HERC4: variants seen among roughly 807,000 people sequenced by gnomAD.
The protein encoded by HERC4 is probable E3 ubiquitin-protein ligase HERC4.
A neutral mutation model predicts 124.3 loss-of-function variants in HERC4; 28 were observed. The ratio of observed to expected loss-of-function variants is 0.23; its 90% CI spans 0.17 to 0.31. The LOEUF (loss-of-function observed/expected upper bound fraction) is 0.31. Ranked by LOEUF, HERC4 falls within the 10% of genes least tolerant of loss-of-function variation. The pLI is 1.00. For missense variants in HERC4, 713 were observed against 1,229.3 expected, an observed-to-expected ratio of 0.58 and a Z score of 6.28; for synonymous variants, 407 against 421.5, an observed-to-expected ratio of 0.97 and a Z score of 0.42.
chr10:67,988,331 C>T (rs1330377717), intron 15 of HERC4, among the ~76,000 whole-genome samples: 2 of 152,074 alleles, frequency 1.3e-5, no homozygotes, highest in Admixed American at 1.3e-4. Context: ...AAGATAACCA[C>T]TTACAGCTAA....
chr10:68,057,538 C>T (rs1441049990), intron 3 of HERC4, among the ~76,000 whole-genome samples: 2 of 150,976 alleles, frequency 1.3e-5, no homozygotes, highest in East Asian at 4.0e-4. Context: ...GCAGGAGAAT[C>T]GCTTGAACCC....
At chr10:67,963,740 T>C (rs1327285912) in intron 16 of HERC4, among the ~76,000 whole-genome samples, 1 of 152,218 alleles carries the variant, frequency 6.6e-6, no homozygotes, top group Non-Finnish European at 1.5e-5. Context: ...GGTTGGTGTG[T>C]GAGGGTTTAT....
At chr10:68,038,714 C>A (rs1423984897) in intron 4 of HERC4, among the ~76,000 whole-genome samples, 1 of 152,114 alleles carries the variant, frequency 6.6e-6, no homozygotes, top group Non-Finnish European at 1.5e-5. Context: ...AAATCAGGGA[C>A]ATTCAATTTT....
rs201746928 is a variant in HERC4, at chr10:67,975,352, GT to G, written c.1807-8551del. 8.5e-3 allele frequency among the ~76,000 whole-genome samples: 1,299 copies of G among 152,184 alleles called. 9 individuals carry two copies. Among genetic ancestry groups the G allele is most frequent in the Non-Finnish European group, 0.014 (923 of 67,996 alleles). On this transcript the variant is annotated intron_variant, in intron 15 of 24. Transcript: ENST00000373700. Reference sequence around the variant, plus strand: ...ATACTAAGGCTTAGCATTTAAGAAAGTAACCAAGGTCACGTAAGTAACAGAG... The same window carrying G: ...ATACTAAGGCTTAGCATTTAAGAAAGAACCAAGGTCACGTAAGTAACAGAG...
rs1423618184 is a variant in HERC4 at position 68,075,267 on chromosome 10, G to C, written c.-232C>G. On this transcript the variant is annotated 5_prime_UTR_variant, in exon 1 of 25. Coordinates refer to ENST00000373700, the MANE Select transcript of HERC4 (RefSeq NM_015601.4). ...GGGCGGAGAGCACCAGGGGTGGGGA[G>C]AGTTGGGGAAGAGACTGGGTAGGAG... 6.5e-6 allele frequency: 1 copy of C among 152,908 alleles called. No homozygotes were observed. Among genetic ancestry groups the C allele is most frequent in the East Asian group, 1.9e-4 (1 of 5,188 alleles). The allele number at this position is 152,908 out of a possible 1,614,324, so 9.5% of individuals were successfully genotyped here.
intron 15 of HERC4, among the ~76,000 whole-genome samples, chr10:67,981,600 C>T (rs1379137536): frequency 6.6e-6 from 1 of 152,230 alleles, no homozygotes; most frequent in Admixed American, 6.5e-5. Context: ...CTCCTTAGCA[C>T]ATGGATCACT....
chr10:68,010,116 A>C, intron 9 of HERC4: 1 of 771,930 alleles, frequency 1.3e-6, no homozygotes, highest in East Asian at 3.6e-5. Flanking sequence ...TGAAGAACTT[A>C]ATCCCAAAAG....
chr10:68,019,722 C>G (rs573937224), intron 8 of HERC4, among the ~76,000 whole-genome samples: 5 of 152,182 alleles, frequency 3.3e-5, no homozygotes, highest in Admixed American at 6.5e-5. Flanking sequence ...CAGTTACCCA[C>G]TCCTTACTCC....
At chr10:68,001,263 T>C (rs1389949750) in intron 9 of HERC4, among the ~76,000 whole-genome samples, 3 of 151,842 alleles carry the variant, frequency 2.0e-5, no homozygotes, top group Non-Finnish European at 4.4e-5. Context: ...TTCCAGCTAC[T>C]TAGGAGGCTG....
In HERC4 at chr10:67,990,477, C is replaced by T. The variant is rs1589260795; in HGVS notation, c.1444-77G>A. 26 of 818,900 alleles carry T rather than the reference C, an allele frequency of 3.2e-5. No homozygotes were observed. In the East Asian group the frequency reaches 8.4e-4, roughly 26 times the overall value. The allele number at this position is 818,900 out of a possible 1,614,324, so 50.7% of individuals were successfully genotyped here. A position where few individuals can be genotyped will look rare whatever the true frequency, so the allele number is the denominator to read the frequency against. The stretch of plus-strand genomic sequence containing the variant: ...CAAAGAAAAAAAAAAAAAAGGAAGG[C>T]AGGAAGAAAAGAAAGAAAAGGAAAA... On this transcript the variant is annotated intron_variant, in intron 13 of 24. Transcript: ENST00000373700.
rs529183059 is a variant in HERC4, at chr10:67,982,636, T to A, written c.1806+6027A>T. Among the ~76,000 whole-genome samples, 11 of 152,128 alleles carry A rather than the reference T, an allele frequency of 7.2e-5. No individual in the cohort carries two copies. In the South Asian group the frequency reaches 1.9e-3, roughly 26 times the overall value. ...GTGGACAAACGGGATTACATTAAAT[T>A]AAAAAACTTCTACACAGCAAAGGAA... On this transcript the variant is annotated intron_variant, in intron 15 of 24. Coordinates refer to ENST00000373700, the MANE Select transcript of HERC4 (RefSeq NM_015601.4).
At chr10:68,039,432 G>C (rs1376195462) in intron 4 of HERC4, 1 of 1,550,514 alleles carries the variant, frequency 6.4e-7, no homozygotes, top group Non-Finnish European at 8.7e-7. Flanking sequence ...TCTGCCATAA[G>C]AGAGTCCGGA....
chr10:67,989,662 T>G (rs1414542349), intron 14 of HERC4, among the ~76,000 whole-genome samples: 3 of 152,088 alleles, frequency 2.0e-5, no homozygotes, highest in East Asian at 3.9e-4. Flanking sequence ...GAAATAGAGA[T>G]AAAATCTAGA....
chr10:68,074,971 C>T (rs1385938515), intron 1 of HERC4, 173 bp downstream of exon 1: 2 of 152,472 alleles, frequency 1.3e-5, no homozygotes, highest in Non-Finnish European at 2.9e-5. Flanking sequence ...TAGGGGAAGC[C>T]CAAGGTGACG....
chr10:67,956,006 A>C (rs1174791187), intron 17 of HERC4: 1 of 152,200 alleles, frequency 6.6e-6, no homozygotes. Flanking sequence ...ACCTCCAAAA[A>C]ATTGGCTTAC....
chr10:67,965,747 GAA>G (rs2034824591), intron 16 of HERC4: 1 of 152,218 alleles, frequency 6.6e-6, no homozygotes, highest in Non-Finnish European at 1.5e-5. Flanking sequence ...AGCAAGCAAT[GAA>G]AAGTTACTCA....
chr10:67,936,410 G>C (rs1564925491), intron 21 of HERC4, among the ~76,000 whole-genome samples, 175 bp from the exon 22 acceptor site: 2 of 152,012 alleles, frequency 1.3e-5, no homozygotes, highest in Admixed American at 6.6e-5. Flanking sequence ...TAGAAATTTG[G>C]TACTCTCTAG....
chr10:67,928,832 A>T (rs1244885078), intron 23 of HERC4, among the ~76,000 whole-genome samples: 4 of 152,088 alleles, frequency 2.6e-5, no homozygotes, highest in Admixed American at 6.6e-5. Context: ...GAGGCAGAAG[A>T]ATCGCTTGAA....
chr10:68,032,577 T>A (rs1003794471), intron 7 of HERC4, among the ~76,000 whole-genome samples: 1 of 152,142 alleles, frequency 6.6e-6, no homozygotes, highest in African/African-American at 2.4e-5. Flanking sequence ...TATATCAGAA[T>A]TCACATTTAA....
Sources: allele counts gnomAD v4.1 joint callset (sites outside exome capture counted in the v4.1 genomes callset), GRCh38; gene constraint gnomAD v4.1.1; transcripts MANE v1.5; gene names NCBI Gene and HGNC (gene_info 2026-07-23, HGNC 2026-07-21).